PLOD1: variants seen among roughly 807,000 people sequenced by gnomAD.
PLOD1 encodes lysine hydroxylase.
A neutral mutation model predicts 94.7 loss-of-function variants in PLOD1; 70 were observed. That is an observed-to-expected ratio of 0.74 (90% CI 0.61 to 0.90). The LOEUF (loss-of-function observed/expected upper bound fraction) is 0.90, where lower values mean the gene tolerates loss of function less well. Ranked by LOEUF, PLOD1 falls within the 40% of genes least tolerant of loss-of-function variation. The pLI is 0.00. For synonymous variants in PLOD1, 417 were observed against 400.2 expected (o/e 1.04, Z -0.50); for missense variants, 905 against 972.7 (o/e 0.93, Z 0.93).
At chr1:11,945,255 A>AC in intron 1 of PLOD1, among the ~76,000 whole-genome samples, 1 of 152,122 alleles carries the variant, frequency 6.6e-6, no homozygotes, top group East Asian at 1.9e-4. Flanking sequence ...CCTCATCTCC[A>AC]CTAAAAAATT....
At chr1:11,943,379 C>T (rs539244631) in intron 1 of PLOD1, among the ~76,000 whole-genome samples, 7 of 151,908 alleles carry the variant, frequency 4.6e-5, no homozygotes, top group South Asian at 2.1e-4. Flanking sequence ...TCACTGCAGC[C>T]GCCACCTCCC....
At chr1:11,936,072 G>A (rs1002626806) in intron 1 of PLOD1, among the ~76,000 whole-genome samples, 5 of 152,186 alleles carry the variant, frequency 3.3e-5, no homozygotes, top group Non-Finnish European at 7.4e-5. Flanking sequence ...CAGGTGATCA[G>A]CCCACCTTGG....
At chr1:11,949,314 A>T (rs927127838) in intron 2 of PLOD1, among the ~76,000 whole-genome samples, 2 of 152,174 alleles carry the variant, frequency 1.3e-5, no homozygotes, top group African/African-American at 4.8e-5. Context: ...TTGGACAGGC[A>T]TGGTCACATG....
In PLOD1 at chr1:11,972,396, C is replaced by T. The variant is rs144198215; in HGVS notation, c.1903-476C>T. On this transcript the variant is annotated intron_variant, in intron 17 of 18. Transcript: ENST00000196061. The surrounding 1 kb of genome is among the most constrained non-coding windows in gnomAD (Gnocchi z 4.6). Reference sequence around the variant, plus strand: ...CCTCCCAAGTAGCTGCGATTACAGACGCCCACCACCATGTCTGGCTAATTT... The same window carrying T: ...CCTCCCAAGTAGCTGCGATTACAGATGCCCACCACCATGTCTGGCTAATTT... 91 of 167,252 alleles carry T rather than the reference C, an allele frequency of 5.4e-4. No individual in the cohort carries two copies. In the East Asian group the frequency reaches 8.0e-3, roughly 15 times the overall value. 10.4% of individuals were successfully genotyped at this position (167,252 alleles called of 1,614,324 possible).
chr1:11,949,789 A>T lies in PLOD1; in HGVS notation c.185A>T (p.Glu62Val). The T allele has an allele frequency of 6.2e-7, 1 of 1,613,982 alleles. No homozygotes were observed. Among genetic ancestry groups the T allele is most frequent in the South Asian group, 1.1e-5 (1 of 91,072 alleles). ...NYKIQALGLG[E>V]DWNVEKGTSA... ...TCTCTCCAGGCGCTTGGCCTAGGGG[A>T]GGACTGGAATGTGGAGAAGGGGACG... The change falls in exon 3 of 19, where the codon GAG becomes GTG. Residue 62 changes from glutamate (E) to valine (V), a missense_variant. Transcript: ENST00000196061.
At chr1:11,939,840 T>C (rs1645604139) in intron 1 of PLOD1, among the ~76,000 whole-genome samples, 1 of 152,168 alleles carries the variant, frequency 6.6e-6, no homozygotes, top group East Asian at 1.9e-4. Flanking sequence ...GCTCCTGACC[T>C]CATGTGATCC....
Position 11,972,903 on chromosome 1 carries a change from A to G in PLOD1, c.1934A>G (p.Tyr645Cys). Residue 645 changes from tyrosine to cysteine, a missense_variant, in exon 18 of 19, where the codon TAC becomes TGC. Transcript: ENST00000196061. The surrounding 1 kb of genome is among the most constrained non-coding windows in gnomAD (Gnocchi z 4.6). ...TTTGACCTGGCCTTTGTCGTCCGCT[A>G]CAAGCCTGATGAGCAGCCCTCACTG... is the stretch of plus-strand genomic sequence containing the variant. ...AQFDLAFVVRYKPDEQPSLMP... is the reference protein window; with the variant it reads ...AQFDLAFVVRCKPDEQPSLMP... 6.2e-7 allele frequency: 1 copy of G among 1,614,062 alleles called. No individual in the cohort carries two copies. Among genetic ancestry groups the G allele is most frequent in the East Asian group, 2.2e-5 (1 of 44,866 alleles).
intron 16 of PLOD1, among the ~76,000 whole-genome samples, chr1:11,967,719 C>T (rs1006560140): frequency 7.2e-6 from 1 of 139,068 alleles, no homozygotes. Flanking sequence ...GTGAACCAGG[C>T]ACAATTTCAT....
chr1:11,955,962 A>G (rs1254378222), intron 6 of PLOD1, among the ~76,000 whole-genome samples: 2 of 151,930 alleles, frequency 1.3e-5, no homozygotes, highest in Admixed American at 1.3e-4. Context: ...GGGTCTCACT[A>G]TGTTGCGCAG....
At chr1:11,955,440 A>T (rs1645731701) in intron 6 of PLOD1, among the ~76,000 whole-genome samples, 1 of 131,908 alleles carries the variant, frequency 7.6e-6, no homozygotes, top group African/African-American at 2.9e-5. Flanking sequence ...TTATCTTTAC[A>T]AAAGGGAAGT....
At chr1:11,942,451 C>T (rs904089203) in intron 1 of PLOD1, among the ~76,000 whole-genome samples, 2 of 152,116 alleles carry the variant, frequency 1.3e-5, no homozygotes, top group African/African-American at 4.8e-5. Flanking sequence ...ACTGGGCAAA[C>T]CAAGACTGCA....
At chr1:11,942,298 T>C (rs778850185) in intron 1 of PLOD1, among the ~76,000 whole-genome samples, 3 of 152,162 alleles carry the variant, frequency 2.0e-5, no homozygotes, top group Non-Finnish European at 4.4e-5. Context: ...AGGCCTCACG[T>C]AGCTGCTTAA....
In PLOD1 at chr1:11,972,543, T is replaced by C. The variant is rs1645873596; in HGVS notation, c.1903-329T>C. ...GCTGGAATTACAGGCGTGAGTACCA[T>C]GTCCGGCCTCCTTCCCTTTCATTTC... is the stretch of plus-strand genomic sequence containing the variant. On this transcript the variant is annotated intron_variant, in intron 17 of 18. Transcript: ENST00000196061. This position sits in a 1 kb window ranked among gnomAD's most constrained non-coding sequence, Gnocchi z 4.6. The C allele has an allele frequency of 2.9e-6, 1 of 340,788 alleles. No homozygotes were observed. Among genetic ancestry groups the C allele is most frequent in the Non-Finnish European group, 5.7e-6 (1 of 174,096 alleles). The allele number at this position is 340,788 out of a possible 1,614,324, so 21.1% of individuals were successfully genotyped here.
chr1:11,948,729 CAA>C (rs34167429), intron 2 of PLOD1, among the ~76,000 whole-genome samples: 10 of 139,512 alleles, frequency 7.2e-5, no homozygotes, highest in Admixed American at 1.5e-4. Flanking sequence ...AACTCTGTCT[CAA>C]AAAAAAAAAA....
rs920188548 is a variant in PLOD1 at position 11,970,799 on chromosome 1, C to G, written c.1885C>G (p.Pro629Ala). Residue 629 changes from proline to alanine, a missense_variant, in exon 17 of 19, where the codon CCC becomes GCC. By Grantham distance (27) the Pro-to-Ala change is conservative. Transcript: ENST00000196061. ...TGCGCCCATGACGGAGAAGCTCTAC[C>G]CCGGCTACTACACCAGGGTGGGCAA... is the stretch of plus-strand genomic sequence containing the variant. ...YIAPMTEKLYPGYYTRAQFDL... is the reference protein window; with the variant it reads ...YIAPMTEKLYAGYYTRAQFDL... The G allele has an allele frequency of 2.5e-6, 4 of 1,608,224 alleles. No individual in the cohort carries two copies. The highest frequency in any genetic ancestry group is 3.4e-5 in the Admixed American group (2 of 59,392).
chr1:11,972,699 C>G lies in PLOD1; in HGVS notation c.1903-173C>G. On this transcript the variant is annotated intron_variant, in intron 17 of 18. Transcript: ENST00000196061. The surrounding 1 kb of genome is among the most constrained non-coding windows in gnomAD (Gnocchi z 4.6). ...CTGTCCATACATTTTTGTTGAGAACCTTTTCTGTGCCAGGTAGTTGCAGGC... is the reference window on the plus strand; with the variant it reads ...CTGTCCATACATTTTTGTTGAGAACGTTTTCTGTGCCAGGTAGTTGCAGGC... 1 of 626,570 alleles carries G rather than the reference C, an allele frequency of 1.6e-6. No homozygotes were observed. The highest frequency in any genetic ancestry group is 1.7e-5 in the South Asian group (1 of 58,572). The allele number at this position is 626,570 out of a possible 1,614,324, so 38.8% of individuals were successfully genotyped here.
rs763439166 is a variant in PLOD1, at chr1:11,957,842, C to T, written c.742C>T (p.Leu248=). 2.5e-6 allele frequency: 4 copies of T among 1,611,330 alleles called. No homozygotes were observed. Among genetic ancestry groups the T allele is most frequent in the Non-Finnish European group, 3.4e-6 (4 of 1,177,528 alleles). The change falls in exon 8 of 19, where the codon CTG becomes TTG. Residue 248 remains leucine, a splice_region_variant and synonymous_variant. Transcript: ENST00000196061. The surrounding 1 kb of genome is among the most constrained non-coding windows in gnomAD (Gnocchi z 4.1). ...CTGTGACCCCACGTCTCCCCGACAG[C>T]TGCAGTTGAACTACCTGGGCAACTA... ...VLIHGNGPTK[L]QLNYLGNYIP... is the part of the protein sequence containing the mutation.
At chr1:11,935,824 C>T (rs184876039) in intron 1 of PLOD1, among the ~76,000 whole-genome samples, 1 of 152,250 alleles carries the variant, frequency 6.6e-6, no homozygotes, top group East Asian at 1.9e-4. Flanking sequence ...GGGGTTTCAC[C>T]ATGCTGGCCA....
rs192085792 is a variant in PLOD1, at chr1:11,944,168, G to A, written c.77-3808G>A. ...GAATCGCTTGAACCCAGGAGATAGAGGTTGTAGTGAGACAAGATCTAGCCA... is the reference window on the plus strand; with the variant it reads ...GAATCGCTTGAACCCAGGAGATAGAAGTTGTAGTGAGACAAGATCTAGCCA... On this transcript the variant is annotated intron_variant, in intron 1 of 18. Transcript: ENST00000196061. 1.2e-4 allele frequency among the ~76,000 whole-genome samples: 18 copies of A among 152,152 alleles called. No homozygotes were observed. The East Asian group carries it at 2.7e-3, about 23-fold the overall frequency.
Sources: allele counts gnomAD v4.1 joint callset (sites outside exome capture counted in the v4.1 genomes callset), GRCh38; gene constraint gnomAD v4.1.1; non-coding constraint Gnocchi (gnomAD v3.1); transcripts MANE v1.5; gene names NCBI Gene and HGNC (gene_info 2026-07-23, HGNC 2026-07-21).